DAB1: variants seen among roughly 807,000 people sequenced by gnomAD.
DAB1 encodes the protein disabled homolog 1.
Under a neutral mutation model 64.6 loss-of-function variants are expected in DAB1, and 15 were observed. That is an observed-to-expected ratio of 0.23 (90% CI 0.16 to 0.36). The LOEUF is 0.36. Ranked by LOEUF, DAB1 falls within the 10% of genes least tolerant of loss-of-function variation. The probability of loss-of-function intolerance (pLI) is 1.00; values close to 1 mark genes in which losing one functional copy is unlikely to be tolerated. For missense variants in DAB1, 596 were observed against 706.7 expected, an observed-to-expected ratio of 0.84 and a Z score of 1.78; for synonymous variants, 235 against 251.9, an observed-to-expected ratio of 0.93 and a Z score of 0.64.
At chr1:57,886,347 C>A (rs1644222049), upstream of DAB1, among the ~76,000 whole-genome samples, 1 of 152,022 alleles carries the variant, frequency 6.6e-6, no homozygotes, top group African/African-American at 2.4e-5. Context: ...TTAGTAGAGA[C>A]TGGGTTTCGC....
chr1:57,547,470 G>T (rs1457928958), intron 7 of DAB1, among the ~76,000 whole-genome samples: 1 of 152,094 alleles, frequency 6.6e-6, no homozygotes, highest in Non-Finnish European at 1.5e-5. Flanking sequence ...TGGAATAAAG[G>T]ATCAGTTGCA....
intron 7 of DAB1, among the ~76,000 whole-genome samples, chr1:57,475,476 T>C (rs1643924701): frequency 6.6e-6 from 1 of 152,172 alleles, no homozygotes. Flanking sequence ...GGCCAGTGAA[T>C]AGTAATTAGC....
At chr1:57,670,545 A>C (rs1434234695) in intron 6 of DAB1, among the ~76,000 whole-genome samples, 1 of 152,160 alleles carries the variant, frequency 6.6e-6, no homozygotes, top group East Asian at 1.9e-4. Flanking sequence ...TTGTGACTTC[A>C]AAAAGAGGGA....
upstream of DAB1, among the ~76,000 whole-genome samples, chr1:57,885,422 C>A (rs1644207294): frequency 6.6e-6 from 1 of 152,124 alleles, no homozygotes; most frequent in South Asian, 2.1e-4. Context: ...TCATTTCAGG[C>A]AGTGGCTTAT....
intron 5 of DAB1, among the ~76,000 whole-genome samples, chr1:57,962,043 G>T (rs757336341): frequency 6.6e-6 from 1 of 151,868 alleles, no homozygotes; most frequent in African/African-American, 2.4e-5. Flanking sequence ...AGAGAGTGGC[G>T]ATCTAAAGTC....
intron 2 of DAB1, among the ~76,000 whole-genome samples, chr1:57,287,223 C>T (rs535421522): frequency 8.5e-5 from 13 of 152,238 alleles, no homozygotes; most frequent in African/African-American, 2.4e-4. Context: ...TGGCATGCGC[C>T]GCCATGCCTG....
At chr1:58,010,482 AC>A (rs939942607) in intron 5 of DAB1, among the ~76,000 whole-genome samples, 6 of 152,158 alleles carry the variant, frequency 3.9e-5, no homozygotes, top group Admixed American at 2.6e-4. Context: ...TGTCGGTTTT[AC>A]CCCCTTGTTG....
At chr1:57,831,467 C>T (rs1008840210) in intron 1 of DAB1, among the ~76,000 whole-genome samples, 1 of 151,738 alleles carries the variant, frequency 6.6e-6, no homozygotes, top group Non-Finnish European at 1.5e-5. Flanking sequence ...GGTAACCCCA[C>T]CAAATATTGC....
chr1:57,984,004 A>G (rs1646131337), intron 5 of DAB1, among the ~76,000 whole-genome samples: 1 of 152,048 alleles, frequency 6.6e-6, no homozygotes, highest in Admixed American at 6.6e-5. Context: ...ACACACATTT[A>G]CTATGACAAA....
chr1:57,094,671 T>C (rs1262302190), intron 4 of DAB1, among the ~76,000 whole-genome samples: 1 of 152,214 alleles, frequency 6.6e-6, no homozygotes, highest in East Asian at 1.9e-4. Flanking sequence ...TCATGTATCC[T>C]AAAATTATTT....
intron 7 of DAB1, among the ~76,000 whole-genome samples, chr1:57,521,359 A>G (rs995984104): frequency 1.3e-5 from 2 of 152,172 alleles, no homozygotes; most frequent in African/African-American, 4.8e-5. Flanking sequence ...TCCACAAAAG[A>G]GGGAGGCAGA....
chr1:58,078,690 G>A (rs1221956855), intron 5 of DAB1, among the ~76,000 whole-genome samples: 1 of 152,114 alleles, frequency 6.6e-6, no homozygotes, highest in Non-Finnish European at 1.5e-5. Flanking sequence ...TTCCACACGT[G>A]TTAATTTTAA....
intron 1 of DAB1, among the ~76,000 whole-genome samples, chr1:57,318,155 C>CAAAAAAA (rs3042914): frequency 1.9e-5 from 2 of 103,398 alleles, no homozygotes; most frequent in Non-Finnish European, 1.8e-5. Flanking sequence ...AGCTGCAACT[C>CAAAAAAA]AAAAAAAAAA....
intron 7 of DAB1, among the ~76,000 whole-genome samples, chr1:57,534,314 T>C (rs956582245): frequency 6.6e-6 from 1 of 152,034 alleles, no homozygotes; most frequent in Admixed American, 6.5e-5. Context: ...ATTGCAAAAA[T>C]GTGGATGCAA....
At chr1:57,687,599 C>CAGAAAA (rs1646713949) in intron 6 of DAB1, among the ~76,000 whole-genome samples, 1 of 82,440 alleles carries the variant, frequency 1.2e-5, no homozygotes, top group Non-Finnish European at 2.5e-5. Flanking sequence ...TCTTAAGAAA[C>CAGAAAA]AAAAAAAAAA....
intron 1 of DAB1, among the ~76,000 whole-genome samples, chr1:57,377,804 G>T (rs1236447341): frequency 6.6e-6 from 1 of 152,148 alleles, no homozygotes; most frequent in Non-Finnish European, 1.5e-5. Flanking sequence ...AGCTGCAGGG[G>T]ATGGTGTAGT....
At chr1:58,160,833 C>T (rs1303618143) in intron 4 of DAB1, among the ~76,000 whole-genome samples, 1 of 152,120 alleles carries the variant, frequency 6.6e-6, no homozygotes, top group Non-Finnish European at 1.5e-5. Context: ...CCTACCAATA[C>T]CAATCCAGTG....
At chr1:57,057,840 C>T (rs1363191920) in intron 9 of DAB1, among the ~76,000 whole-genome samples, 1 of 152,026 alleles carries the variant, frequency 6.6e-6, no homozygotes, top group Non-Finnish European at 1.5e-5. Flanking sequence ...GATCTCCTGA[C>T]CTCCTGATCC....
At chr1:57,248,241 T>G (rs1669037719) in intron 2 of DAB1, among the ~76,000 whole-genome samples, 1 of 152,214 alleles carries the variant, frequency 6.6e-6, no homozygotes, top group Non-Finnish European at 1.5e-5. Flanking sequence ...TATTGTTGTT[T>G]TGTTATTTTT....
Sources: allele counts gnomAD v4.1 joint callset (sites outside exome capture counted in the v4.1 genomes callset), GRCh38; gene constraint gnomAD v4.1.1; transcripts MANE v1.5; gene names NCBI Gene and HGNC (gene_info 2026-07-23, HGNC 2026-07-21).